HS3ST3A1: variants seen among roughly 807,000 people sequenced by gnomAD.
HS3ST3A1 encodes heparan sulfate glucosamine 3-O-sulfotransferase 3A1.
In HS3ST3A1, 19 loss-of-function variants were observed where a neutral mutation model predicts 25.7. That is an observed-to-expected ratio of 0.74 (90% CI 0.52 to 1.08). The LOEUF is 1.08. Among genes scored for constraint, HS3ST3A1 ranks in the 50% least tolerant of loss-of-function variants. The pLI, the probability that HS3ST3A1 is intolerant of heterozygous loss-of-function variation, is 0.00. For missense variants in HS3ST3A1, 459 were observed against 594.3 expected (o/e 0.77, Z 2.37); for synonymous variants, 226 against 278.6 (o/e 0.81, Z 1.88).
intron 1 of HS3ST3A1, among the ~76,000 whole-genome samples, chr17:13,575,496 C>T (rs1907927353): frequency 6.6e-6 from 1 of 152,158 alleles, no homozygotes; most frequent in Non-Finnish European, 1.5e-5. Context: ...TCTCTCACTT[C>T]TAACTGTGGT....
At chr17:13,506,587 G>A (rs1032534871) in intron 1 of HS3ST3A1, among the ~76,000 whole-genome samples, 1 of 152,222 alleles carries the variant, frequency 6.6e-6, no homozygotes, top group African/African-American at 2.4e-5. Flanking sequence ...GCAAGAGAAA[G>A]TGCTGAGGTT....
intron 1 of HS3ST3A1, among the ~76,000 whole-genome samples, chr17:13,549,950 C>G (rs1907196582): frequency 6.6e-6 from 1 of 152,150 alleles, no homozygotes; most frequent in South Asian, 2.1e-4. Context: ...TGACAGGATA[C>G]TGATAAATAT....
chr17:13,588,605 G>A (rs1044155429), intron 1 of HS3ST3A1, among the ~76,000 whole-genome samples: 1 of 151,922 alleles, frequency 6.6e-6, no homozygotes, highest in African/African-American at 2.4e-5. Context: ...ATAACAAACA[G>A]AACCAAGTTT....
intron 1 of HS3ST3A1, among the ~76,000 whole-genome samples, chr17:13,564,186 C>A (rs1335381331): frequency 6.6e-6 from 1 of 152,140 alleles, no homozygotes; most frequent in East Asian, 1.9e-4. Context: ...TTTGCCAATG[C>A]TCAGCAACAT....
chr17:13,511,672 G>A (rs1446229325), intron 1 of HS3ST3A1, among the ~76,000 whole-genome samples: 4 of 151,110 alleles, frequency 2.6e-5, no homozygotes, highest in African/African-American at 9.8e-5. Context: ...AGATGAAACA[G>A]CTGAAGCATG....
intron 1 of HS3ST3A1, among the ~76,000 whole-genome samples, chr17:13,588,749 T>TCTCA (rs1428588835): frequency 6.6e-6 from 1 of 151,764 alleles, no homozygotes; most frequent in African/African-American, 2.4e-5. Flanking sequence ...TGTGGCAGAA[T>TCTCA]CTCAGCTCAC....
intron 1 of HS3ST3A1, among the ~76,000 whole-genome samples, chr17:13,597,218 ATGTG>A (rs1311552032): frequency 1.3e-5 from 2 of 152,136 alleles, no homozygotes; most frequent in Non-Finnish European, 2.9e-5. Flanking sequence ...ATACATATGT[ATGTG>A]TATGTGTACA....
At chr17:13,566,255 T>C (rs536212044) in intron 1 of HS3ST3A1, among the ~76,000 whole-genome samples, 33 of 152,268 alleles carry the variant, frequency 2.2e-4, no homozygotes, top group Middle Eastern at 3.4e-3. Flanking sequence ...TGATCTGTGA[T>C]TGGTGGTCTT....
At chr17:13,535,366 C>T (rs888114432) in intron 1 of HS3ST3A1, among the ~76,000 whole-genome samples, 7 of 152,134 alleles carry the variant, frequency 4.6e-5, no homozygotes, top group African/African-American at 1.7e-4. Context: ...CCGTTTTAAA[C>T]AGTGAAATCA....
rs759045831 is a variant in HS3ST3A1, at chr17:13,496,265, C to G, written c.1153G>C (p.Glu385Gln). The G allele has an allele frequency of 1.0e-5, 16 of 1,539,152 alleles. No homozygotes were observed. The East Asian group carries it at 3.6e-4, about 35-fold the overall frequency. ...TTGAGGTTGAAAGGCCGGTAGAACT[C>G]GCGCAGCCTGCGCACCACCTCGCGG... ...IDREVVRRLR[E>Q]FYRPFNLKFY... The change falls in exon 2 of 2, where the codon GAG becomes CAG. Residue 385 changes from glutamate (E) to glutamine (Q), a missense_variant. Around this residue, in one of 3 missense-constraint regions of HS3ST3A1, gnomAD observed 46 missense variants for 59.0 expected, o/e 0.78. Transcript: ENST00000284110.
At chr17:13,507,714 T>C (rs59526960) in intron 1 of HS3ST3A1, among the ~76,000 whole-genome samples, 8,564 of 152,266 alleles carry the variant, frequency 0.056, 275 homozygotes, top group African/African-American at 0.08. Flanking sequence ...CCCATGTACA[T>C]GTACTTTTTT....
intron 1 of HS3ST3A1, among the ~76,000 whole-genome samples, chr17:13,513,000 A>C (rs1425969799): frequency 6.6e-6 from 1 of 152,210 alleles, no homozygotes; most frequent in Non-Finnish European, 1.5e-5. Flanking sequence ...AATAGGATGT[A>C]TTTCATGTAA....
At chr17:13,510,700 T>TA (rs2142306080) in intron 1 of HS3ST3A1, among the ~76,000 whole-genome samples, 1 of 145,132 alleles carries the variant, frequency 6.9e-6, no homozygotes, top group East Asian at 2.1e-4. Context: ...AATATCTCAG[T>TA]GTCCTTGATT....
At chr17:13,510,251 A>G (rs757633857) in intron 1 of HS3ST3A1, among the ~76,000 whole-genome samples, 1 of 152,176 alleles carries the variant, frequency 6.6e-6, no homozygotes, top group Admixed American at 6.5e-5. Flanking sequence ...GAGCTGTGCT[A>G]TCGGCTTTTG....
At chr17:13,587,064 TACTAGAAA>T (rs1209631216) in intron 1 of HS3ST3A1, among the ~76,000 whole-genome samples, 5 of 151,876 alleles carry the variant, frequency 3.3e-5, no homozygotes, top group Admixed American at 2.6e-4. Context: ...TTAAGGTAAC[TACTAGAAA>T]GTTGAAATTA....
intron 1 of HS3ST3A1, among the ~76,000 whole-genome samples, chr17:13,553,316 C>T (rs1363189505): frequency 2.0e-5 from 3 of 152,126 alleles, no homozygotes; most frequent in Admixed American, 1.3e-4. Context: ...CCATGAAGAC[C>T]GCCATGACAT....
At chr17:13,548,125 T>A (rs1327672968) in intron 1 of HS3ST3A1, among the ~76,000 whole-genome samples, 1 of 152,198 alleles carries the variant, frequency 6.6e-6, no homozygotes, top group Non-Finnish European at 1.5e-5. Flanking sequence ...TTCTCTAAAT[T>A]GTTACAGTTA....
Position 13,600,625 on chromosome 17 carries a change from G to A in HS3ST3A1, c.505C>T (p.Leu169=), listed in dbSNP as rs1347439161. The change falls in exon 1 of 2, where the codon CTG becomes TTG. Residue 169 remains leucine (L), a synonymous_variant. Coordinates refer to ENST00000284110, the MANE Select transcript of HS3ST3A1 (RefSeq NM_006042.3). ...TCGGGGTGCACGCGCAGGAACTCCA[G>A]CAGCGCCCGCGTGCCGCCCTTCTTC... ...GVKKGGTRAL[L]EFLRVHPDVR... 2.5e-6 allele frequency: 4 copies of A among 1,597,074 alleles called. No individual in the cohort carries two copies. In the South Asian group the frequency reaches 3.3e-5, roughly 13 times the overall value.
In HS3ST3A1 at chr17:13,600,723, G is replaced by A. The variant is rs769666902; in HGVS notation, c.407C>T (p.Ala136Val). Residue 136 changes from alanine to valine, a missense_variant, in exon 1 of 2, where the codon GCC (alanine) becomes GTC (valine). Around this residue, in one of 3 missense-constraint regions of HS3ST3A1, gnomAD observed 346 missense variants for 303.9 expected, o/e 1.14. Coordinates refer to ENST00000284110, the MANE Select transcript of HS3ST3A1 (RefSeq NM_006042.3). Reference sequence around the variant, plus strand: ...GAGCAGCGCCAGGGTCCCCGGCGGGGCCTCGGCCACGGTGCTTCCGGCCCC... The same window carrying A: ...GAGCAGCGCCAGGGTCCCCGGCGGGACCTCGGCCACGGTGCTTCCGGCCCC... ...GSGAGSTVAE[A>V]PPGTLALLLD... The A allele has an allele frequency of 6.5e-7, 1 of 1,547,932 alleles. No homozygotes were observed. The highest frequency in any genetic ancestry group is 1.4e-5 in the African/African-American group (1 of 72,254).
Sources: allele counts gnomAD v4.1 joint callset (sites outside exome capture counted in the v4.1 genomes callset), GRCh38; gene constraint gnomAD v4.1.1; regional missense constraint gnomAD v4.1.1; transcripts MANE v1.5; gene names NCBI Gene and HGNC (gene_info 2026-07-23, HGNC 2026-07-21).